Variants in HTT observed in about 807,000 individuals in gnomAD.
HTT encodes the protein huntington disease protein.
In HTT, 104 loss-of-function variants were observed where a neutral mutation model predicts 362.3. That is an observed-to-expected ratio of 0.29 (90% confidence interval 0.24 to 0.34). HTT has a LOEUF of 0.34. Among genes scored for constraint, HTT ranks in the 10% least tolerant of loss-of-function variants. HTT has a pLI of 1.00. For missense variants in HTT, 3,301 were observed against 3,928.6 expected (o/e 0.84, Z 4.27); for synonymous variants, 1,577 against 1,548.7 (o/e 1.02, Z -0.43).
chr4:3,131,307 A>C lies in HTT; in HGVS notation c.2008A>C (p.Ile670Leu). ...ENKPCRIKGD[I>L]GQSTDDDSAP... ...CTAGCCTTGCCGCATCAAAGGTGAC[A>C]TTGGACAGTCCACTGATGATGACTC... Residue 670 changes from isoleucine (I) to leucine (L), a missense_variant, in exon 15 of 67, where the codon ATT becomes CTT. By Grantham distance (5) the Ile-to-Leu change is conservative. This residue lies in a region of HTT where 2,316 missense variants were observed against 2,658.5 expected (regional missense o/e 0.87). Transcript: ENST00000355072. The C allele has an allele frequency of 6.2e-7, 1 of 1,613,854 alleles. No homozygotes were observed. Among genetic ancestry groups the C allele is most frequent in the African/African-American group, 1.3e-5 (1 of 75,014 alleles).
At chr4:3,113,972 G>A (rs932477105) in intron 6 of HTT, among the ~76,000 whole-genome samples, 2 of 152,128 alleles carry the variant, frequency 1.3e-5, no homozygotes, top group African/African-American at 4.8e-5. Flanking sequence ...AAATATAGAG[G>A]TGTGAAGTGG....
chr4:3,171,516 G>A (rs1163520213), intron 29 of HTT, among the ~76,000 whole-genome samples: 1 of 149,718 alleles, frequency 6.7e-6, no homozygotes, highest in Admixed American at 6.7e-5. Flanking sequence ...TTGTTGCCCA[G>A]GTAACAACTC....
intron 26 of HTT, among the ~76,000 whole-genome samples, chr4:3,150,391 C>T (rs1459180965): frequency 6.6e-6 from 1 of 151,636 alleles, no homozygotes; most frequent in African/African-American, 2.4e-5. Context: ...GGGCTGTTCT[C>T]CTGTCTTCAG....
chr4:3,101,864 A>G (rs1714174682), intron 3 of HTT, among the ~76,000 whole-genome samples: 1 of 152,160 alleles, frequency 6.6e-6, no homozygotes, highest in Non-Finnish European at 1.5e-5. Flanking sequence ...GGAGGCAGGA[A>G]AGGCTTCCTG....
chr4:3,178,344 C>T lies in HTT; in HGVS notation c.4510C>T (p.Leu1504=), dbSNP rs1354731541. The change falls in exon 35 of 67, where the codon CTA becomes TTA. Residue 1504 remains leucine, a synonymous_variant. Coordinates refer to ENST00000355072, the MANE Select transcript of HTT (RefSeq NM_001388492.1). ...AAACATCTTTTTCTTCTTGGTATTA[C>T]TATCTTATGAACGCTATCATTCAAA... is the stretch of plus-strand genomic sequence containing the variant. The part of the protein sequence containing the change: ...IPNIFFFLVL[L]SYERYHSKQI... 6.2e-7 allele frequency: 1 copy of T among 1,610,932 alleles called. No homozygotes were observed. The highest frequency in any genetic ancestry group is 8.5e-7 in the Non-Finnish European group (1 of 1,177,332).
rs148138771 is a variant in HTT, at chr4:3,184,106, G to A, written c.4866+1636G>A. ...ATCCAGGAGGGAAGAGAGTTAGGTG[G>A]TGTCTGCGGTGGGAGTGGCATTGTT... On this transcript the variant is annotated intron_variant, in intron 37 of 66. Coordinates refer to ENST00000355072, the MANE Select transcript of HTT (RefSeq NM_001388492.1). Among the ~76,000 whole-genome samples, 1,326 of 152,194 alleles carry A rather than the reference G, an allele frequency of 8.7e-3. 6 individuals are homozygous for A. Among genetic ancestry groups the A allele is most frequent in the African/African-American group, 0.018 (735 of 41,518 alleles).
rs561627988 is a variant in HTT at position 3,131,505 on chromosome 4, G to T, written c.2098+108G>T. On this transcript the variant is annotated intron_variant, in intron 15 of 66. Transcript: ENST00000355072. ...TGCAGCAGAGGAAGTAGAATCTGAG[G>T]ATGAGTTTGGTTTTCACTAGCCGAG... 2.7e-6 allele frequency: 4 copies of T among 1,468,534 alleles called. No homozygotes were observed. The African/African-American group carries it at 5.5e-5, about 20-fold the overall frequency. 91.0% of individuals were successfully genotyped at this position (1,468,534 alleles called of 1,614,324 possible). A position where few individuals can be genotyped will look rare whatever the true frequency, so the allele number is the denominator to read the frequency against.
chr4:3,182,960 A>G (rs1718596667), intron 37 of HTT, among the ~76,000 whole-genome samples: 2 of 152,138 alleles, frequency 1.3e-5, no homozygotes, highest in South Asian at 2.1e-4. Context: ...TCACTGCAAC[A>G]ACCTCTGCCT....
chr4:3,201,523 C>G (rs1232215192), intron 41 of HTT, among the ~76,000 whole-genome samples: 4 of 127,386 alleles, frequency 3.1e-5, no homozygotes, highest in Non-Finnish European at 6.3e-5. Flanking sequence ...GAGTGAGACT[C>G]CATCTCAAAA....
intron 26 of HTT, among the ~76,000 whole-genome samples, chr4:3,152,012 C>T (rs535633405): frequency 1.6e-4 from 25 of 152,122 alleles, no homozygotes; most frequent in African/African-American, 5.3e-4. Context: ...ACTGCGGCCT[C>T]GATCTCCCAG....
intron 2 of HTT, among the ~76,000 whole-genome samples, chr4:3,096,612 A>G (rs920686991): frequency 3.3e-5 from 5 of 152,236 alleles, no homozygotes; most frequent in African/African-American, 1.2e-4. Flanking sequence ...CACATGGCCC[A>G]TGGGTCAGAA....
intron 20 of HTT, 33 bp from the exon 21 acceptor site, chr4:3,136,193 T>G: frequency 2.8e-6 from 4 of 1,408,746 alleles, no homozygotes; most frequent in Non-Finnish European, 4.0e-6. Flanking sequence ...AAATACAAGA[T>G]TATGTTTATT....
intron 35 of HTT, among the ~76,000 whole-genome samples, chr4:3,179,869 CAT>C (rs541178828): frequency 5.5e-4 from 80 of 144,274 alleles, no homozygotes; most frequent in Non-Finnish European, 1.1e-3. Flanking sequence ...TGTGTGTGCT[CAT>C]GTGTGAGCGT....
chr4:3,238,294 T>A (rs1167953056), intron 64 of HTT, among the ~76,000 whole-genome samples, 153 bp from the exon 65 acceptor site: 1 of 152,220 alleles, frequency 6.6e-6, no homozygotes, highest in Non-Finnish European at 1.5e-5. Flanking sequence ...GCTCTGACTT[T>A]CCCCACTTGG....
At chr4:3,154,257 G>T (rs1560571800) in intron 26 of HTT, 36 bp from the exon 27 acceptor site, 2 of 1,494,068 alleles carry the variant, frequency 1.3e-6, no homozygotes, top group African/African-American at 1.4e-5. Context: ...ACATGTTTTT[G>T]TTTTTTTGTT....
intron 53 of HTT, among the ~76,000 whole-genome samples, chr4:3,221,018 A>T (rs1720648889): frequency 1.3e-5 from 2 of 152,158 alleles, no homozygotes; most frequent in Non-Finnish European, 2.9e-5. Flanking sequence ...CCCCTATTTG[A>T]TGGCAAGAGG....
Position 3,217,678 on chromosome 4 carries a change from G to A in HTT, c.7055-87G>A, listed in dbSNP as rs878953583. 2.6e-6 allele frequency: 3 copies of A among 1,154,960 alleles called. No individual in the cohort carries two copies. In the South Asian group the frequency reaches 4.4e-5, roughly 17 times the overall value. 71.5% of individuals were successfully genotyped at this position (1,154,960 alleles called of 1,614,324 possible). A position where few individuals can be genotyped will look rare whatever the true frequency, so the allele number is the denominator to read the frequency against. On this transcript the variant is annotated intron_variant, in intron 51 of 66. Coordinates refer to ENST00000355072, the MANE Select transcript of HTT (RefSeq NM_001388492.1). ...TAAGTGGATTCCACAGTTACAGCTT[G>A]AGCAGCTGGTTGTAGGTCATGCTTT...
intron 8 of HTT, 88 bp from the exon 9 acceptor site, chr4:3,121,140 T>A: frequency 2.3e-6 from 2 of 866,132 alleles, no homozygotes; most frequent in South Asian, 3.1e-5. Flanking sequence ...ACTTTGTCAA[T>A]GAAGTCCTAT....
intron 38 of HTT, among the ~76,000 whole-genome samples, chr4:3,186,928 G>A (rs1353906252): frequency 2.0e-5 from 3 of 147,052 alleles, no homozygotes; most frequent in Admixed American, 7.0e-5. Context: ...TCATGATCTC[G>A]GCTCACTGCA....
Sources: allele counts gnomAD v4.1 joint callset (sites outside exome capture counted in the v4.1 genomes callset), GRCh38; gene constraint gnomAD v4.1.1; regional missense constraint gnomAD v4.1.1; transcripts MANE v1.5; gene names NCBI Gene and HGNC (gene_info 2026-07-23, HGNC 2026-07-21).